UGT2B28: variants seen among roughly 807,000 people sequenced by gnomAD.
UGT2B28 encodes UDP glucuronosyltransferase family 2 member B28, also known as UDP-glucuronosyltransferase 2B28.
UGT2B28 carries 45 observed loss-of-function variants against 43.6 expected under a neutral mutation model. The ratio of observed to expected loss-of-function variants is 1.03; its 90% confidence interval spans 0.81 to 1.32. UGT2B28 has a LOEUF of 1.32. Ranked by LOEUF, UGT2B28 falls within the 40% of genes most tolerant of loss-of-function variation. The pLI, the probability that UGT2B28 is intolerant of heterozygous loss-of-function variation, is 0.00. For synonymous variants in UGT2B28, 204 were observed against 208.1 expected (o/e 0.98, Z 0.17); for missense variants, 649 against 625.5 (o/e 1.04, Z -0.40).
intron 2 of UGT2B28, among the ~76,000 whole-genome samples, chr4:69,284,743 A>G (rs1428058889): frequency 7.1e-6 from 1 of 141,058 alleles, no homozygotes; most frequent in Non-Finnish European, 1.5e-5. Context: ...TTGTGAAACC[A>G]GTTATTTAAC....
In UGT2B28 at chr4:69,280,659, G is replaced by T. The variant is rs752826535; in HGVS notation, c.159G>T (p.Val53=). ...AGCTTGTTCAGAGAGGTCATGAGGT[G>T]ACTGTACTGGCATCTTCAGCTTCCA... is the stretch of plus-strand genomic sequence containing the variant. ...LKELVQRGHE[V]TVLASSASIL... is the part of the protein sequence containing the mutation. Residue 53 remains valine, a synonymous_variant, in exon 1 of 6, where the codon GTG becomes GTT. Transcript: ENST00000335568. 3 of 1,561,392 alleles carry T rather than the reference G, an allele frequency of 1.9e-6. No individual in the cohort carries two copies. Among genetic ancestry groups the T allele is most frequent in the Non-Finnish European group, 2.6e-6 (3 of 1,156,178 alleles).
At chr4:69,284,407 A>G (rs1338297248) in intron 2 of UGT2B28, among the ~76,000 whole-genome samples, 1 of 140,710 alleles carries the variant, frequency 7.1e-6, no homozygotes, top group Non-Finnish European at 1.5e-5. Flanking sequence ...TTAAAAGAAC[A>G]TTTTTGCTTA....
rs1347866685 is a variant in UGT2B28 at position 69,294,885 on chromosome 4, T to C, written c.*76T>C. ...TTTATTCCAGCAAGAAAGAAAAGAT[T>C]GTTATGCAAGATTTCTTTCTTCCTG... On this transcript the variant is annotated 3_prime_UTR_variant, in exon 6 of 6. Coordinates refer to ENST00000335568, the MANE Select transcript of UGT2B28 (RefSeq NM_053039.2). 5.0e-6 allele frequency: 7 copies of C among 1,391,650 alleles called. 1 individual carries two copies. Among genetic ancestry groups the C allele is most frequent in the African/African-American group, 1.7e-5 (1 of 60,380 alleles). The allele number at this position is 1,391,650 out of a possible 1,614,324, so 86.2% of individuals were successfully genotyped here. A position where few individuals can be genotyped will look rare whatever the true frequency, so the allele number is the denominator to read the frequency against.
chr4:69,286,352 G>T (rs187013921), intron 2 of UGT2B28, among the ~76,000 whole-genome samples: 1 of 140,524 alleles, frequency 7.1e-6, no homozygotes, highest in Non-Finnish European at 1.5e-5. Context: ...ATAAACACAA[G>T]TGTTTAAGTA....
rs1331497358 is a variant in UGT2B28 at position 69,281,236 on chromosome 4, A to G, written c.721+15A>G. 2.0e-6 allele frequency: 3 copies of G among 1,480,040 alleles called. 1 individual carries two copies. The Admixed American group carries it at 6.6e-5, about 32-fold the overall frequency. 91.7% of individuals were successfully genotyped at this position (1,480,040 alleles called of 1,614,324 possible). On this transcript the variant is annotated intron_variant, in intron 1 of 5. Transcript: ENST00000335568. ...TGAAGTTTTAGGTAAGAATTTGTTT[A>G]ATCGGGAACTTGAAGATCTAACTTA...
chr4:69,288,247 A>T (rs1295009569), intron 3 of UGT2B28, among the ~76,000 whole-genome samples: 1 of 139,808 alleles, frequency 7.2e-6, no homozygotes, highest in East Asian at 2.0e-4. Flanking sequence ...TAGTGCTTGA[A>T]AATTTGTAAT....
At chr4:69,285,564 C>G (rs1425017525) in intron 2 of UGT2B28, among the ~76,000 whole-genome samples, 1 of 140,490 alleles carries the variant, frequency 7.1e-6, no homozygotes, top group Non-Finnish European at 1.5e-5. Flanking sequence ...AATAGTAGTA[C>G]AAGGACTCTC....
intron 3 of UGT2B28, 74 bp from the exon 4 acceptor site, chr4:69,289,591 C>G (rs1373500429): frequency 3.8e-6 from 5 of 1,322,718 alleles, no homozygotes; most frequent in East Asian, 2.5e-5. Flanking sequence ...TCATTCCTAC[C>G]CTTTTTACAG....
rs773894838 is a variant in UGT2B28 at position 69,294,681 on chromosome 4, T to G, written c.1462T>G (p.Tyr488Asp). The G allele has an allele frequency of 1.3e-6, 2 of 1,560,356 alleles. No individual in the cohort carries two copies. Among genetic ancestry groups the G allele is most frequent in the Non-Finnish European group, 1.7e-6 (2 of 1,155,506 alleles). Residue 488 changes from tyrosine to aspartate, a missense_variant, in exon 6 of 6, where the codon TAC becomes GAC. By Grantham distance (160) the Tyr-to-Asp change is radical (BLOSUM62 -3). Transcript: ENST00000335568. ...AGCCCGTGACCTCACCTGGTTCCAG[T>G]ACCACTCTTTGGATGTGATTGGGTT... ...VAARDLTWFQ[Y>D]HSLDVIGFLL...
At position 69,281,084 on chromosome 4, in the gene UGT2B28, C is replaced by T; in HGVS notation, c.584C>T (p.Pro195Leu). The T allele has an allele frequency of 6.4e-7, 1 of 1,559,404 alleles. No individual in the cohort carries two copies. The highest frequency in any genetic ancestry group is 8.7e-7 in the Non-Finnish European group (1 of 1,155,366). ...GGLIFPPSYI[P>L]VVMSKLSDQM... ...CTGATTTTCCCTCCTTCCTACATACCTGTTGTTATGTCAAAATTAAGTGAT... is the reference window on the plus strand; with the variant it reads ...CTGATTTTCCCTCCTTCCTACATACTTGTTGTTATGTCAAAATTAAGTGAT... The change falls in exon 1 of 6, where the codon CCT becomes CTT. Residue 195 changes from proline (P) to leucine (L), a missense_variant. By Grantham distance (98) the Pro-to-Leu change is moderately conservative (BLOSUM62 -3). Coordinates refer to ENST00000335568, the MANE Select transcript of UGT2B28 (RefSeq NM_053039.2).
rs978861612 is a variant in UGT2B28 at position 69,289,611 on chromosome 4, T to C, written c.1003-54T>C. 132 of 1,433,904 alleles carry C rather than the reference T, an allele frequency of 9.2e-5. 12 individuals are homozygous for C. The highest frequency in any genetic ancestry group is 1.1e-4 in the Non-Finnish European group (116 of 1,062,054). 88.8% of individuals were successfully genotyped at this position (1,433,904 alleles called of 1,614,324 possible). A position where few individuals can be genotyped will look rare whatever the true frequency, so the allele number is the denominator to read the frequency against. ...CCTACCCTTTTTACAGTTCTAACAT[T>C]CTATAATTTTTGAGTTCCACTCATG... On this transcript the variant is annotated intron_variant, in intron 3 of 5. Coordinates refer to ENST00000335568, the MANE Select transcript of UGT2B28 (RefSeq NM_053039.2).
In UGT2B28 at chr4:69,290,688, T is replaced by C; in HGVS notation, c.1187T>C (p.Phe396Ser). 1 of 1,559,612 alleles carries C rather than the reference T, an allele frequency of 6.4e-7. No individual in the cohort carries two copies. The highest frequency in any genetic ancestry group is 8.7e-7 in the Non-Finnish European group (1 of 1,155,238). Residue 396 changes from phenylalanine (F) to serine (S), a missense_variant, in exon 5 of 6, where the codon TTT becomes TCT. By Grantham distance (155) the Phe-to-Ser change is radical. Transcript: ENST00000335568. Reference sequence around the variant, plus strand: ...ATCCCTATGGTAGGCATTCCATTGTTTTGGGATCAACCTGATAACATTGCT... The same window carrying C: ...ATCCCTATGGTAGGCATTCCATTGTCTTGGGATCAACCTGATAACATTGCT... ...HGIPMVGIPL[F>S]WDQPDNIAHM...
intron 5 of UGT2B28, among the ~76,000 whole-genome samples, chr4:69,292,741 G>A (rs1723989887): frequency 1.4e-5 from 2 of 139,300 alleles, no homozygotes. Flanking sequence ...TATGTGGTGG[G>A]CAATAAATCA....
intron 5 of UGT2B28, among the ~76,000 whole-genome samples, chr4:69,292,292 T>C (rs1157435870): frequency 7.1e-6 from 1 of 140,058 alleles, no homozygotes; most frequent in Non-Finnish European, 1.5e-5. Context: ...CTACCATCAA[T>C]TCCACATTTA....
At chr4:69,285,577 G>A (rs1320278001) in intron 2 of UGT2B28, among the ~76,000 whole-genome samples, 4 of 140,832 alleles carry the variant, frequency 2.8e-5, no homozygotes, top group Non-Finnish European at 6.1e-5. Flanking sequence ...GGACTCTCAC[G>A]TTAACGTAAG....
Position 69,293,233 on chromosome 4 carries a change from C to T in UGT2B28, c.1311-1297C>T, listed in dbSNP as rs1291811853. On this transcript the variant is annotated intron_variant, in intron 5 of 5. Coordinates refer to ENST00000335568, the MANE Select transcript of UGT2B28 (RefSeq NM_053039.2). ...TGTTGTGATTCGAAGTCAGGCTAAT[C>T]CTTAGTTGGAGGACAAAAGTAGTCA... Among the ~76,000 whole-genome samples the T allele has an allele frequency of 4.3e-5, 6 of 139,534 alleles. 1 individual carries two copies. Among genetic ancestry groups the T allele is most frequent in the African/African-American group, 1.7e-4 (6 of 35,692 alleles). 91.5% of individuals were successfully genotyped at this position (139,534 alleles called of 152,430 possible).
rs1194524561 is a variant in UGT2B28, at chr4:69,284,245, C to T, written c.870+1583C>T. Among the ~76,000 whole-genome samples the T allele has an allele frequency of 2.2e-5, 3 of 139,406 alleles. 1 individual carries two copies. Among genetic ancestry groups the T allele is most frequent in the Non-Finnish European group, 4.6e-5 (3 of 65,432 alleles). 91.5% of individuals were successfully genotyped at this position (139,406 alleles called of 152,430 possible). On this transcript the variant is annotated intron_variant, in intron 2 of 5. Transcript: ENST00000335568. The stretch of plus-strand genomic sequence containing the variant: ...TTCTACCACTTGTATCTGAATAGTG[C>T]CCTTAGTTTCAATACGAAAAAAAAT...
rs1306913922 is a variant in UGT2B28 at position 69,280,784 on chromosome 4, A to G, written c.284A>G (p.Lys95Arg). 2 of 1,569,360 alleles carry G rather than the reference A, an allele frequency of 1.3e-6. No homozygotes were observed. The highest frequency in any genetic ancestry group is 4.6e-5 in the East Asian group (2 of 43,672). Residue 95 changes from lysine (K) to arginine (R), a missense_variant, in exon 1 of 6, where the codon AAG (lysine) becomes AGG (arginine). By Grantham distance (26) the Lys-to-Arg change is conservative. Coordinates refer to ENST00000335568, the MANE Select transcript of UGT2B28 (RefSeq NM_053039.2). ...GAGAATATCATCATGCAACAGGTTA[A>G]GAGATGGTCAGACATTCAAAAAGAT... is the stretch of plus-strand genomic sequence containing the variant. ...EFENIIMQQV[K>R]RWSDIQKDSF...
rs536526162 is a variant in UGT2B28 at position 69,293,990 on chromosome 4, C to A, written c.1311-540C>A. ...CCATGATAAAATTCCTTTTTAGGAACTTACAGATGATAATTCTCACATCGC... is the reference window on the plus strand; with the variant it reads ...CCATGATAAAATTCCTTTTTAGGAAATTACAGATGATAATTCTCACATCGC... On this transcript the variant is annotated intron_variant, in intron 5 of 5. Coordinates refer to ENST00000335568, the MANE Select transcript of UGT2B28 (RefSeq NM_053039.2). 6.4e-5 allele frequency among the ~76,000 whole-genome samples: 9 copies of A among 140,666 alleles called. 2 individuals carry two copies. Among genetic ancestry groups the A allele is most frequent in the African/African-American group, 2.5e-4 (9 of 36,056 alleles). The allele number at this position is 140,666 out of a possible 152,430, so 92.3% of individuals were successfully genotyped here.
Sources: allele counts gnomAD v4.1 joint callset (sites outside exome capture counted in the v4.1 genomes callset), GRCh38; gene constraint gnomAD v4.1.1; transcripts MANE v1.5; gene names NCBI Gene and HGNC (gene_info 2026-07-23, HGNC 2026-07-21).